Variants in CAMK2D observed in about 807,000 individuals in gnomAD.
CAMK2D encodes calcium/calmodulin dependent protein kinase II delta.
Under a neutral mutation model 84.0 loss-of-function variants are expected in CAMK2D, and 37 were observed. That is an observed-to-expected ratio of 0.44 (90% CI 0.34 to 0.58). The LOEUF (loss-of-function observed/expected upper bound fraction) is 0.58. CAMK2D is among the 20% of genes least tolerant of loss of function. The probability of loss-of-function intolerance (pLI) is 0.02; values close to 1 mark genes in which losing one functional copy is unlikely to be tolerated. For missense variants in CAMK2D, 448 were observed against 652.5 expected (o/e 0.69, Z 3.41); for synonymous variants, 202 against 212.5 (o/e 0.95, Z 0.43).
At chr4:113,581,025 C>A (rs886214236) in intron 4 of CAMK2D, among the ~76,000 whole-genome samples, 1 of 151,752 alleles carries the variant, frequency 6.6e-6, no homozygotes, top group Non-Finnish European at 1.5e-5. Context: ...ACACGTCCAC[C>A]TATGTAACAA....
At chr4:113,578,467 C>G (rs557818583) in intron 4 of CAMK2D, among the ~76,000 whole-genome samples, 1 of 152,264 alleles carries the variant, frequency 6.6e-6, no homozygotes, top group South Asian at 2.1e-4. Context: ...GTTTTTTATA[C>G]TGGAGACAAG....
chr4:113,660,296 C>T (rs923779250), intron 3 of CAMK2D, among the ~76,000 whole-genome samples: 3 of 152,164 alleles, frequency 2.0e-5, no homozygotes, highest in African/African-American at 7.2e-5. Flanking sequence ...ATATTCATCA[C>T]ATTTTAAAAA....
chr4:113,709,746 G>GAGATATATATATATATATATAT (rs1554070631), intron 2 of CAMK2D, among the ~76,000 whole-genome samples: 39 of 49,780 alleles, frequency 7.8e-4, no homozygotes, highest in Non-Finnish European at 1.2e-3. Context: ...AGCCGTGAAC[G>GAGATATATATATATATATATAT]ATATATATAT....
chr4:113,623,569 G>C (rs573713875), intron 3 of CAMK2D, among the ~76,000 whole-genome samples: 35 of 152,150 alleles, frequency 2.3e-4, no homozygotes, highest in African/African-American at 7.5e-4. Flanking sequence ...ATTTCTCCTA[G>C]GCCACAAACC....
At chr4:113,561,285 G>A (rs1442511099) in intron 4 of CAMK2D, among the ~76,000 whole-genome samples, 1 of 152,100 alleles carries the variant, frequency 6.6e-6, no homozygotes, top group African/African-American at 2.4e-5. Context: ...TTCAGTCTGG[G>A]CAACATAGTG....
At chr4:113,754,134 A>G (rs2099623241) in intron 2 of CAMK2D, 1 of 890,476 alleles carries the variant, frequency 1.1e-6, no homozygotes, top group African/African-American at 1.8e-5. Context: ...CTAATACTCC[A>G]TTTAATGCAT....
intron 7 of CAMK2D, among the ~76,000 whole-genome samples, chr4:113,533,872 A>T (rs186656456): frequency 5.1e-4 from 78 of 152,142 alleles, no homozygotes; most frequent in African/African-American, 1.7e-3. Context: ...ATGGGAAAAA[A>T]CAAACAAGTT....
intron 8 of CAMK2D, among the ~76,000 whole-genome samples, chr4:113,520,973 G>A (rs2098349815): frequency 6.9e-6 from 1 of 144,610 alleles, no homozygotes; most frequent in African/African-American, 2.5e-5. Flanking sequence ...AGGCCACAGT[G>A]AACCATGATC....
intron 4 of CAMK2D, among the ~76,000 whole-genome samples, chr4:113,583,108 A>G (rs559591325): frequency 7.2e-5 from 11 of 152,342 alleles, no homozygotes; most frequent in African/African-American, 2.6e-4. Context: ...AATTGCTGCC[A>G]TGCTAAATTT....
At chr4:113,581,839 T>C (rs984009011) in intron 4 of CAMK2D, among the ~76,000 whole-genome samples, 3 of 152,150 alleles carry the variant, frequency 2.0e-5, no homozygotes, top group Admixed American at 2.0e-4. Context: ...TCACACCAGC[T>C]ATATTAAGTA....
At chr4:113,670,356 G>A (rs997138677) in intron 2 of CAMK2D, among the ~76,000 whole-genome samples, 1 of 152,058 alleles carries the variant, frequency 6.6e-6, no homozygotes, top group Non-Finnish European at 1.5e-5. Flanking sequence ...TGTTAATATT[G>A]TAAGTAACAA....
chr4:113,516,263 T>C (rs1446596706), intron 9 of CAMK2D, among the ~76,000 whole-genome samples: 1 of 152,208 alleles, frequency 6.6e-6, no homozygotes, highest in Non-Finnish European at 1.5e-5. Context: ...GAAGCTTATC[T>C]TTGGCAGTTG....
intron 4 of CAMK2D, among the ~76,000 whole-genome samples, chr4:113,581,564 A>G (rs1441584909): frequency 6.6e-6 from 1 of 151,402 alleles, no homozygotes; most frequent in Non-Finnish European, 1.5e-5. Context: ...AGACCAGGCT[A>G]TGTGTTAACT....
chr4:113,591,504 G>C (rs1340978760), intron 4 of CAMK2D, among the ~76,000 whole-genome samples: 4 of 152,132 alleles, frequency 2.6e-5, no homozygotes, highest in Non-Finnish European at 5.9e-5. Context: ...TCTCTCACTA[G>C]GATGCCAATG....
intron 2 of CAMK2D, among the ~76,000 whole-genome samples, chr4:113,747,844 T>C (rs1035586898): frequency 2.0e-5 from 3 of 152,160 alleles, no homozygotes; most frequent in Non-Finnish European, 2.9e-5. Flanking sequence ...TAATGATTCG[T>C]TGGAAGAAAA....
chr4:113,671,432 T>A (rs1333405770), intron 2 of CAMK2D, among the ~76,000 whole-genome samples: 1 of 152,212 alleles, frequency 6.6e-6, no homozygotes, highest in African/African-American at 2.4e-5. Flanking sequence ...CTTAGCAATG[T>A]TTACAGACTC....
chr4:113,657,397 T>C (rs186847622), intron 3 of CAMK2D, among the ~76,000 whole-genome samples: 3 of 152,250 alleles, frequency 2.0e-5, no homozygotes, highest in Admixed American at 2.0e-4. Context: ...CCAGTGCATA[T>C]AGCCTAGAAC....
At chr4:113,529,380 TA>T in intron 8 of CAMK2D, among the ~76,000 whole-genome samples, 2 of 152,304 alleles carry the variant, frequency 1.3e-5, no homozygotes, top group African/African-American at 4.8e-5. Flanking sequence ...AAAACAAGTC[TA>T]AAAAATTATT....
At position 113,496,446 on chromosome 4, in the gene CAMK2D, C is replaced by CTT. The variant is rs543371495; in HGVS notation, c.1135+4015_1135+4016dup. Among the ~76,000 whole-genome samples the CTT allele has an allele frequency of 7.3e-4, 88 of 120,648 alleles. 1 individual carries two copies. The highest frequency in any genetic ancestry group is 4.7e-3 in the Middle Eastern group (1 of 214). 79.1% of individuals were successfully genotyped at this position (120,648 alleles called of 152,430 possible). ...TATGCTTTATTGGGACTCCCATTTG[C>CTT]TTTTTTTTTTTTTTTTTTTTAAAGC... On this transcript the variant is annotated intron_variant, in intron 16 of 20. Transcript: ENST00000511664.
Sources: allele counts gnomAD v4.1 joint callset (sites outside exome capture counted in the v4.1 genomes callset), GRCh38; gene constraint gnomAD v4.1.1; transcripts MANE v1.5; gene names NCBI Gene and HGNC (gene_info 2026-07-23, HGNC 2026-07-21).